The following KRT78 variants were observed in gnomAD, a reference collection of about 807,000 sequenced individuals.
The protein encoded by KRT78 is keratin, type II cytoskeletal 78.
Under a neutral mutation model 51.4 loss-of-function variants are expected in KRT78, and 55 were observed. That is an observed-to-expected ratio of 1.07 (90% CI 0.86 to 1.34). The LOEUF (loss-of-function observed/expected upper bound fraction) is 1.34, where lower values mean the gene tolerates loss of function less well. Ranked by LOEUF, KRT78 falls within the 40% of genes most tolerant of loss-of-function variation. The probability of loss-of-function intolerance (pLI) is 0.00; values close to 1 mark genes in which losing one functional copy is unlikely to be tolerated. For synonymous variants in KRT78, 291 were observed against 264.3 expected (o/e 1.10, Z -0.98); for missense variants, 652 against 649.4 (o/e 1.00, Z -0.04).
rs750824478 is a variant in KRT78, at chr12:52,848,064, G to A, written c.442C>T (p.Gln148Ter). 5.6e-6 allele frequency: 9 copies of A among 1,614,190 alleles called. No individual in the cohort carries two copies. In the South Asian group the frequency reaches 9.9e-5, roughly 18 times the overall value. The change falls in exon 2 of 9, where the codon CAA becomes TAA. Residue 148 changes from glutamine to a stop codon, truncating the protein, a stop_gained. Coordinates refer to ENST00000304620, the MANE Select transcript of KRT78 (RefSeq NM_173352.4). LOFTEE classifies it high-confidence loss of function. ...VLETKWHLLQQQGLSGSQQGL... is the reference protein window; with the variant it reads ...VLETKWHLLQ Reference sequence around the variant, plus strand: ...TGCTGGCTGCCACTCAACCCCTGTTGCTGCAGCAGATGCCACTTCGTCTCC... The same window carrying A: ...TGCTGGCTGCCACTCAACCCCTGTTACTGCAGCAGATGCCACTTCGTCTCC...
intron 6 of KRT78, among the ~76,000 whole-genome samples, chr12:52,841,147 T>G (rs997329018): frequency 6.6e-6 from 1 of 152,176 alleles, no homozygotes; most frequent in Non-Finnish European, 1.5e-5. Context: ...TTTGTCCTGT[T>G]GTCAGAGTAC....
At chr12:52,848,163 C>T (rs1940691295) in intron 1 of KRT78, 42 bp from the exon 2 acceptor site, 1 of 1,600,196 alleles carries the variant, frequency 6.2e-7, no homozygotes, top group African/African-American at 1.3e-5. Flanking sequence ...CTGTGGGACT[C>T]CCTGTGCACA....
chr12:52,844,059 A>T, intron 6 of KRT78, 34 bp downstream of exon 6: 2 of 1,609,904 alleles, frequency 1.2e-6, no homozygotes, highest in Non-Finnish European at 1.7e-6. Flanking sequence ...CACAAAGGCA[A>T]TGAGAGGACA....
In KRT78 at chr12:52,844,228, G is replaced by A. The variant is rs367684120; in HGVS notation, c.922-10C>T. ...CCTGAAGTTCCTGGTACTGAGAGGG[G>A]AACAGAGGGGACACCATTAGTTGAG... On this transcript the variant is annotated splice_polypyrimidine_tract_variant and intron_variant, in intron 5 of 8. Transcript: ENST00000304620. The A allele has an allele frequency of 5.7e-6, 9 of 1,582,986 alleles. No individual in the cohort carries two copies. The highest frequency in any genetic ancestry group is 7.7e-6 in the Non-Finnish European group (9 of 1,170,652).
chr12:52,844,274 T>G, intron 5 of KRT78, 56 bp from the exon 6 acceptor site: 1 of 1,532,658 alleles, frequency 6.5e-7, no homozygotes, highest in Non-Finnish European at 8.7e-7. Context: ...CCTTTGACCA[T>G]CTCCTCATGT....
intron 5 of KRT78, 75 bp from the exon 6 acceptor site, chr12:52,844,293 C>T (rs1940588605): frequency 1.3e-6 from 2 of 1,485,656 alleles, no homozygotes; most frequent in Non-Finnish European, 1.8e-6. Context: ...GTTTGAAAAG[C>T]CACCTCTCAC....
At chr12:52,841,260 G>C (rs1470924124) in intron 6 of KRT78, among the ~76,000 whole-genome samples, 1 of 151,988 alleles carries the variant, frequency 6.6e-6, no homozygotes, top group Admixed American at 6.6e-5. Flanking sequence ...GAGGTGGGCA[G>C]ATCACTAGGT....
chr12:52,839,069 G>T lies in KRT78; in HGVS notation c.*44C>A. 4 of 1,585,646 alleles carry T rather than the reference G, an allele frequency of 2.5e-6. No individual in the cohort carries two copies. Among genetic ancestry groups the T allele is most frequent in the East Asian group, 2.2e-5 (1 of 44,660 alleles). Reference sequence around the variant, plus strand: ...GCCTTGCAGAGCCGGCTGATGGGGGGAGTGGGCCAAATGTGTTCAGGAAGG... The same window carrying T: ...GCCTTGCAGAGCCGGCTGATGGGGGTAGTGGGCCAAATGTGTTCAGGAAGG... On this transcript the variant is annotated 3_prime_UTR_variant, in exon 9 of 9. Coordinates refer to ENST00000304620, the MANE Select transcript of KRT78 (RefSeq NM_173352.4).
chr12:52,846,016 C>A (rs890228031), intron 4 of KRT78, 181 bp downstream of exon 4: 4 of 592,096 alleles, frequency 6.8e-6, no homozygotes, highest in Non-Finnish European at 1.2e-5. Context: ...ATTGATGTAT[C>A]CCCAGGACCT....
chr12:52,844,787 T>C, intron 4 of KRT78, 64 bp from the exon 5 acceptor site: 2 of 1,482,666 alleles, frequency 1.3e-6, no homozygotes, highest in Non-Finnish European at 1.8e-6. Context: ...AAGCCTAGGA[T>C]GGTTGAGCAG....
Position 52,846,803 on chromosome 12 carries a change from C to A in KRT78, c.621G>T (p.Arg207Ser). 6.2e-7 allele frequency: 1 copy of A among 1,613,836 alleles called. No individual in the cohort carries two copies. The highest frequency in any genetic ancestry group is 8.5e-7 in the Non-Finnish European group (1 of 1,179,912). The change falls in exon 3 of 9, where the codon AGG becomes AGT. Residue 207 changes from arginine (R) to serine (S), a missense_variant. Arg to Ser is a moderately radical substitution (Grantham distance 110). Transcript: ENST00000304620. ...CAAAGTCGTTCTCAAGTGTGGCACGCCTGTGGGCCTCCTCCTCATACCTGC... is the reference window on the plus strand; with the variant it reads ...CAAAGTCGTTCTCAAGTGTGGCACGACTGTGGGCCTCCTCCTCATACCTGC... ...YKSKYEEEAH[R>S]RATLENDFVV...
At chr12:52,847,025 C>T (rs566817850) in intron 2 of KRT78, among the ~76,000 whole-genome samples, 5 of 152,180 alleles carry the variant, frequency 3.3e-5, no homozygotes, top group African/African-American at 4.8e-5. Context: ...CTTTTGATGA[C>T]GACAGCCACA....
intron 4 of KRT78, among the ~76,000 whole-genome samples, chr12:52,845,364 G>C (rs926825261): frequency 6.6e-6 from 1 of 151,922 alleles, no homozygotes; most frequent in Non-Finnish European, 1.5e-5. Flanking sequence ...TGGCCACACC[G>C]ACCTTCCTGC....
chr12:52,845,022 T>TTC (rs1032889045), intron 4 of KRT78, among the ~76,000 whole-genome samples: 2 of 142,166 alleles, frequency 1.4e-5, no homozygotes, highest in African/African-American at 2.6e-5. Flanking sequence ...CTTCTTCTTC[T>TTC]TTTTTTTTTT....
chr12:52,838,926 T>C lies in KRT78; in HGVS notation c.*187A>G, dbSNP rs1940406918. The C allele has an allele frequency of 1.5e-6, 1 of 673,946 alleles. No individual in the cohort carries two copies. Among genetic ancestry groups the C allele is most frequent in the Admixed American group, 3.0e-5 (1 of 33,420 alleles). The allele number at this position is 673,946 out of a possible 1,614,324, so 41.7% of individuals were successfully genotyped here. A position where few individuals can be genotyped will look rare whatever the true frequency, so the allele number is the denominator to read the frequency against. On this transcript the variant is annotated 3_prime_UTR_variant, in exon 9 of 9. Coordinates refer to ENST00000304620, the MANE Select transcript of KRT78 (RefSeq NM_173352.4). ...CTGGGGAGCCACACAGCTTTTGTTT[T>C]GCTGGGTGAGGTGTGCAAGCACTTA...
At position 52,844,660 on chromosome 12, in the gene KRT78, GGTT is replaced by G; in HGVS notation, c.817_819del (p.Asn273del). The G allele has an allele frequency of 6.2e-7, 1 of 1,614,142 alleles. No homozygotes were observed. Among genetic ancestry groups the G allele is most frequent in the East Asian group, 2.2e-5 (1 of 44,874 alleles). On this transcript the variant is annotated inframe_deletion, in exon 5 of 9. Transcript: ENST00000304620. Reference sequence around the variant, plus strand: ...ATGATGCTGCTGAAGTCCAGGTAGCGGTTGTTGTCCATGGACAGCACCACAGAC... The same window carrying G: ...ATGATGCTGCTGAAGTCCAGGTAGCGGTTGTCCATGGACAGCACCACAGAC...
At chr12:52,846,955 C>T (rs1299649652) in intron 2 of KRT78, 131 bp from the exon 3 acceptor site, 20 of 667,910 alleles carry the variant, frequency 3.0e-5, no homozygotes, top group Non-Finnish European at 2.9e-5. Flanking sequence ...ATAACCAGCC[C>T]TTCTCTCCTT....
chr12:52,843,744 G>T (rs1404114665), intron 6 of KRT78, among the ~76,000 whole-genome samples: 1 of 148,896 alleles, frequency 6.7e-6, no homozygotes, highest in East Asian at 2.0e-4. Context: ...GATAAGAAAA[G>T]AGAAAACAGA....
intron 6 of KRT78, among the ~76,000 whole-genome samples, chr12:52,843,378 G>C (rs886537937): frequency 1.8e-4 from 23 of 124,832 alleles, no homozygotes; most frequent in African/African-American, 6.9e-4. Flanking sequence ...AAAAAAGAGA[G>C]AGAGAGAGAA....
Sources: allele counts gnomAD v4.1 joint callset (sites outside exome capture counted in the v4.1 genomes callset), GRCh38; gene constraint gnomAD v4.1.1; transcripts MANE v1.5; gene names NCBI Gene and HGNC (gene_info 2026-07-23, HGNC 2026-07-21).